Variants in FREM1 observed in about 807,000 individuals in gnomAD.
FREM1 encodes FRAS1-related extracellular matrix protein 1.
FREM1 carries 220 observed loss-of-function variants against 210.1 expected under a neutral mutation model. That is an observed-to-expected ratio of 1.05 (90% confidence interval 0.94 to 1.17). FREM1 has a LOEUF of 1.17. Among genes scored for constraint, FREM1 ranks in the 50% most tolerant of loss-of-function variants. The pLI, the probability that FREM1 is intolerant of heterozygous loss-of-function variation, is 0.00. For missense variants in FREM1, 3,454 were observed against 2,675.5 expected, an observed-to-expected ratio of 1.29 and a Z score of -6.42; for synonymous variants, 1,189 against 980.2, an observed-to-expected ratio of 1.21 and a Z score of -3.98.
At chr9:14,829,976 A>G (rs988017337) in intron 10 of FREM1, among the ~76,000 whole-genome samples, 1 of 152,180 alleles carries the variant, frequency 6.6e-6, no homozygotes, top group Non-Finnish European at 1.5e-5. Context: ...ACAAAAGCAC[A>G]TGGGTGAAGT....
intron 35 of FREM1, 67 bp from the exon 36 acceptor site, chr9:14,740,301 T>C (rs1255558578): frequency 5.1e-6 from 6 of 1,169,692 alleles, no homozygotes; most frequent in Middle Eastern, 2.0e-4. Context: ...ACGAAATGCA[T>C]AACAGAAATA....
intron 35 of FREM1, among the ~76,000 whole-genome samples, chr9:14,745,904 A>G (rs1473611742): frequency 6.6e-6 from 1 of 152,196 alleles, no homozygotes; most frequent in African/African-American, 2.4e-5. Flanking sequence ...TCGCATTGCT[A>G]GAGGCCCGAC....
At chr9:14,746,260 T>C in intron 35 of FREM1, 93 bp downstream of exon 35, 2 of 909,984 alleles carry the variant, frequency 2.2e-6, no homozygotes, top group Non-Finnish European at 3.5e-6. Context: ...ACTCAATACT[T>C]GTTGAATGAA....
chr9:14,860,986 T>C lies in FREM1; in HGVS notation c.330-1502A>G, dbSNP rs1448635788. Reference sequence around the variant, plus strand: ...ATACACATATATACATATATACACATATATACATATATATACACATATATA... The same window carrying C: ...ATACACATATATACATATATACACACATATACATATATATACACATATATA... On this transcript the variant is annotated intron_variant, in intron 3 of 36. Transcript: ENST00000380880. Among the ~76,000 whole-genome samples the C allele has an allele frequency of 1.1e-4, 13 of 119,846 alleles. 2 individuals carry two copies. Among genetic ancestry groups the C allele is most frequent in the South Asian group, 7.3e-4 (3 of 4,106 alleles). 78.6% of individuals were successfully genotyped at this position (119,846 alleles called of 152,430 possible). A position where few individuals can be genotyped will look rare whatever the true frequency, so the allele number is the denominator to read the frequency against.
intron 25 of FREM1, among the ~76,000 whole-genome samples, chr9:14,775,041 T>C (rs1377759795): frequency 6.6e-6 from 1 of 152,220 alleles, no homozygotes; most frequent in Non-Finnish European, 1.5e-5. Flanking sequence ...TGTGTAATAG[T>C]GTAAAGATGC....
At chr9:14,803,837 G>A (rs1228738621) in intron 19 of FREM1, among the ~76,000 whole-genome samples, 1 of 152,122 alleles carries the variant, frequency 6.6e-6, no homozygotes, top group Non-Finnish European at 1.5e-5. Flanking sequence ...TATTAAAGTG[G>A]CATCATAGTT....
intron 27 of FREM1, among the ~76,000 whole-genome samples, chr9:14,762,533 C>G (rs1845682854): frequency 6.6e-6 from 1 of 152,100 alleles, no homozygotes; most frequent in Non-Finnish European, 1.5e-5. Flanking sequence ...AATGTGCATG[C>G]ATTTCCCTGA....
At chr9:14,860,922 TATATACACATATACACAC>T (rs1830099106) in intron 3 of FREM1, among the ~76,000 whole-genome samples, 1 of 110,990 alleles carries the variant, frequency 9.0e-6, no homozygotes, top group African/African-American at 3.6e-5. Context: ...CATATACACA[TATATACACATATACACAC>T]ATATACACAT....
chr9:14,808,915 G>T (rs915727420), intron 16 of FREM1, among the ~76,000 whole-genome samples: 1 of 152,184 alleles, frequency 6.6e-6, no homozygotes, highest in Non-Finnish European at 1.5e-5. Context: ...ACACAGAAAA[G>T]TTTTGCACAT....
chr9:14,808,944 A>G (rs1341011299), intron 16 of FREM1, among the ~76,000 whole-genome samples: 2 of 152,188 alleles, frequency 1.3e-5, no homozygotes, highest in African/African-American at 4.8e-5. Flanking sequence ...GGTAATTCTC[A>G]TGCATCACCA....
intron 21 of FREM1, among the ~76,000 whole-genome samples, chr9:14,796,036 T>C (rs188378209): frequency 6.6e-6 from 1 of 152,314 alleles, no homozygotes; most frequent in East Asian, 1.9e-4. Flanking sequence ...AAAATAGAAA[T>C]TTTTTGGTGA....
intron 1 of FREM1, among the ~76,000 whole-genome samples, chr9:14,900,702 T>C (rs1463542805): frequency 1.3e-5 from 2 of 152,170 alleles, no homozygotes; most frequent in Non-Finnish European, 2.9e-5. Context: ...ATTGGCAGCC[T>C]AGCTGGGATG....
intron 10 of FREM1, among the ~76,000 whole-genome samples, 189 bp downstream of exon 10, chr9:14,841,258 T>C (rs1825656334): frequency 1.3e-5 from 2 of 152,248 alleles, no homozygotes; most frequent in South Asian, 4.1e-4. Flanking sequence ...CATAGATATC[T>C]ATAAAAGTCT....
intron 35 of FREM1, among the ~76,000 whole-genome samples, chr9:14,743,398 G>A (rs1471007140): frequency 2.6e-5 from 4 of 152,072 alleles, no homozygotes; most frequent in African/African-American, 7.2e-5. Context: ...TGAGGGCATC[G>A]ACAATGTTAT....
chr9:14,760,959 C>T (rs984357869), intron 27 of FREM1, among the ~76,000 whole-genome samples: 3 of 152,156 alleles, frequency 2.0e-5, no homozygotes, highest in African/African-American at 7.2e-5. Flanking sequence ...ATTCAGTTGC[C>T]TTTTATTCTA....
intron 27 of FREM1, among the ~76,000 whole-genome samples, chr9:14,763,545 T>C (rs2132338127): frequency 6.6e-6 from 1 of 152,278 alleles, no homozygotes; most frequent in Middle Eastern, 3.4e-3. Flanking sequence ...TTCGGATCCC[T>C]GAAAACCACT....
At chr9:14,888,381 AT>A (rs1484905118) in intron 1 of FREM1, among the ~76,000 whole-genome samples, 1 of 152,198 alleles carries the variant, frequency 6.6e-6, no homozygotes, top group Non-Finnish European at 1.5e-5. Flanking sequence ...ACTCTTTGCA[AT>A]CACTTCACTA....
At chr9:14,871,764 C>A (rs899117117) in intron 1 of FREM1, among the ~76,000 whole-genome samples, 1 of 151,424 alleles carries the variant, frequency 6.6e-6, no homozygotes, top group Admixed American at 6.6e-5. Context: ...CCTAGGTTTT[C>A]TTCTACGGTT....
At chr9:14,771,934 T>C (rs1035857286) in intron 25 of FREM1, among the ~76,000 whole-genome samples, 69 of 152,142 alleles carry the variant, frequency 4.5e-4, no homozygotes, top group African/African-American at 1.6e-3. Flanking sequence ...GTTAAAAATA[T>C]ATATTTATCT....
Sources: gnomAD v4.1 joint callset for allele counts (sites outside exome capture counted in the v4.1 genomes callset) on GRCh38, gnomAD v4.1.1 for gene constraint, MANE v1.5 for transcripts, NCBI Gene and HGNC (gene_info 2026-07-23, HGNC 2026-07-21) for gene names.